Variants in ITIH4 observed in about 807,000 individuals in gnomAD.
ITIH4 encodes inter-alpha-trypsin inhibitor heavy chain 4.
In ITIH4, 79 loss-of-function variants were observed where a neutral mutation model predicts 111.8. The ratio of observed to expected loss-of-function variants is 0.71; its 90% CI spans 0.59 to 0.85. The LOEUF (loss-of-function observed/expected upper bound fraction) is 0.85, where lower values mean the gene tolerates loss of function less well. Ranked by LOEUF, ITIH4 falls within the 40% of genes least tolerant of loss-of-function variation. ITIH4 has a pLI of 0.00. For synonymous variants in ITIH4, 472 were observed against 468.3 expected, an observed-to-expected ratio of 1.01 and a Z score of -0.10; for missense variants, 1,065 against 1,195.8, an observed-to-expected ratio of 0.89 and a Z score of 1.61.
At position 52,824,055 on chromosome 3, in the gene ITIH4, G is replaced by A; in HGVS notation, c.1172-51C>T. Reference sequence around the variant, plus strand: ...GTGAGAAAATAGTGATTTGCTTGAAGAATATTTCTGGAACCTCAGAGCCGA... The same window carrying A: ...GTGAGAAAATAGTGATTTGCTTGAAAAATATTTCTGGAACCTCAGAGCCGA... On this transcript the variant is annotated intron_variant, in intron 9 of 23. Transcript: ENST00000266041. This position sits in a 1 kb window ranked among gnomAD's most constrained non-coding sequence, Gnocchi z 4.3. The A allele has an allele frequency of 6.5e-7, 1 of 1,544,666 alleles. No homozygotes were observed. The highest frequency in any genetic ancestry group is 8.7e-7 in the Non-Finnish European group (1 of 1,144,416).
chr3:52,829,324 C>A, intron 1 of ITIH4, 45 bp from the exon 2 acceptor site: 1 of 1,566,836 alleles, frequency 6.4e-7, no homozygotes, highest in Non-Finnish European at 8.7e-7. Context: ...TCAATGCCAC[C>A]TCAGCTCGGG....
chr3:52,821,805 C>T (rs1477640021), intron 11 of ITIH4, among the ~76,000 whole-genome samples: 1 of 152,156 alleles, frequency 6.6e-6, no homozygotes, highest in African/African-American at 2.4e-5. Context: ...AATCCCAGGC[C>T]TCTCCCACCA....
Position 52,819,935 on chromosome 3 carries a change from G to A in ITIH4, c.1912+5C>T. 3 of 1,613,470 alleles carry A rather than the reference G, an allele frequency of 1.9e-6. No individual in the cohort carries two copies. Among genetic ancestry groups the A allele is most frequent in the Non-Finnish European group, 2.5e-6 (3 of 1,179,468 alleles). ...CTCCCCTCCCCCCACCTCCTACTTT[G>A]TCACCTGGTTTTGGTATTTTTGCTC... is the stretch of plus-strand genomic sequence containing the variant. On this transcript the variant is annotated splice_donor_5th_base_variant and intron_variant, in intron 15 of 23. Coordinates refer to ENST00000266041, the MANE Select transcript of ITIH4 (RefSeq NM_002218.5).
In ITIH4 at chr3:52,826,827, C is replaced by G. The variant is rs754137487; in HGVS notation, c.483G>C (p.Leu161=). The G allele has an allele frequency of 5.6e-6, 9 of 1,613,848 alleles. No homozygotes were observed. In the South Asian group the frequency reaches 9.9e-5, roughly 18 times the overall value. Residue 161 remains leucine, a synonymous_variant, in exon 4 of 24, where the codon CTG becomes CTC. Coordinates refer to ENST00000266041, the MANE Select transcript of ITIH4 (RefSeq NM_002218.5). ...KRRLGVYELL[L]KVRPQQLVKH... is the part of the protein sequence containing the mutation. ...TGACCAGCTGCTGGGGCCGCACTTT[C>G]AGCAGCAGCTCGTACACCCCCAAAC...
At chr3:52,813,553 A>G (rs1700226605) in intron 23 of ITIH4, 63 bp from the exon 24 acceptor site, 1 of 1,434,450 alleles carries the variant, frequency 7.0e-7, no homozygotes, top group African/African-American at 1.4e-5. Flanking sequence ...GTGCGAAAAG[A>G]GGGAGACAGC....
Position 52,818,287 on chromosome 3 carries a change from A to G in ITIH4, c.2153-4T>C, listed in dbSNP as rs756927773. On this transcript the variant is annotated splice_polypyrimidine_tract_variant and splice_region_variant and intron_variant, in intron 18 of 23. Transcript: ENST00000266041. The stretch of plus-strand genomic sequence containing the variant: ...GTTTGGGTTGTCATGGTTGTTTCTA[A>G]AAGAAGAAAAAGTCTGGGTTTAGGC... The G allele has an allele frequency of 5.0e-5, 78 of 1,575,694 alleles. No homozygotes were observed. Among genetic ancestry groups the G allele is most frequent in the Non-Finnish European group, 6.0e-5 (70 of 1,162,550 alleles).
At position 52,824,355 on chromosome 3, in the gene ITIH4, G is replaced by A. The variant is rs370831802; in HGVS notation, c.1046-40C>T. On this transcript the variant is annotated intron_variant, in intron 8 of 23. Coordinates refer to ENST00000266041, the MANE Select transcript of ITIH4 (RefSeq NM_002218.5). The surrounding 1 kb of genome is among the most constrained non-coding windows in gnomAD (Gnocchi z 4.3). ...CTCTCAAGGTGGTCCCCAGCCAGGA[G>A]CCCTGGAAGCCCCCACCCTGCAGGG... The A allele has an allele frequency of 2.5e-5, 40 of 1,611,830 alleles. No homozygotes were observed. Among genetic ancestry groups the A allele is most frequent in the Non-Finnish European group, 3.1e-5 (37 of 1,178,346 alleles).
At chr3:52,813,864 T>C (rs1474629454) in intron 23 of ITIH4, 111 bp downstream of exon 23, 1 of 822,900 alleles carries the variant, frequency 1.2e-6, no homozygotes, top group East Asian at 2.7e-5. Flanking sequence ...CACCGGACTG[T>C]GTCTAGTTCC....
chr3:52,818,374 C>T, intron 18 of ITIH4, 88 bp downstream of exon 18: 1 of 1,573,024 alleles, frequency 6.4e-7, no homozygotes, highest in Non-Finnish European at 8.7e-7. Context: ...GGCTGGGTTC[C>T]CTCACTACTT....
Position 52,813,878 on chromosome 3 carries a change from G to A in ITIH4, c.2723+97C>T, listed in dbSNP as rs1700230719. ...CCACCGGACTGTGTCTAGTTCCTGG[G>A]CAAGGACAGGAGTGGGGCCCTGGAG... On this transcript the variant is annotated intron_variant, in intron 23 of 23. Coordinates refer to ENST00000266041, the MANE Select transcript of ITIH4 (RefSeq NM_002218.5). 4.3e-6 allele frequency: 4 copies of A among 933,250 alleles called. No individual in the cohort carries two copies. In the South Asian group the frequency reaches 5.7e-5, roughly 13 times the overall value. The allele number at this position is 933,250 out of a possible 1,614,324, so 57.8% of individuals were successfully genotyped here.
chr3:52,828,359 G>T (rs1700517270), intron 2 of ITIH4, among the ~76,000 whole-genome samples: 2 of 152,196 alleles, frequency 1.3e-5, no homozygotes, highest in African/African-American at 4.8e-5. Flanking sequence ...GCGGTGGAGT[G>T]GGGGATGCTT....
rs780995673 is a variant in ITIH4, at chr3:52,816,887, G to T, written c.2468C>A (p.Pro823His). Residue 823 changes from proline to histidine, a missense_variant, in exon 21 of 24, where the codon CCC becomes CAC. Physicochemically the swap from Pro to His is moderately conservative, Grantham distance 77. Coordinates refer to ENST00000266041, the MANE Select transcript of ITIH4 (RefSeq NM_002218.5). ...CGGGCTCCAGCCTGGGCCTTACCCGGGCATCACTGAGAATAGCGTCTCCTT... is the reference window on the plus strand; with the variant it reads ...CGGGCTCCAGCCTGGGCCTTACCCGTGCATCACTGAGAATAGCGTCTCCTT... ...KWKETLFSVM[P>H]GLKMTMDKTG... 5 of 1,613,244 alleles carry T rather than the reference G, an allele frequency of 3.1e-6. No homozygotes were observed. Among genetic ancestry groups the T allele is most frequent in the East Asian group, 4.5e-5 (2 of 44,878 alleles).
chr3:52,818,909 G>C (rs1404399836), intron 17 of ITIH4: 1 of 313,074 alleles, frequency 3.2e-6, no homozygotes. Flanking sequence ...GGGGAGGCCT[G>C]ATGTCCATAC....
At position 52,826,858 on chromosome 3, in the gene ITIH4, T is replaced by C. The variant is rs1395236778; in HGVS notation, c.452A>G (p.Lys151Arg). 1.2e-6 allele frequency: 2 copies of C among 1,613,978 alleles called. No homozygotes were observed. The highest frequency in any genetic ancestry group is 1.7e-6 in the Non-Finnish European group (2 of 1,180,028). The part of the protein sequence containing the change: ...TFELVYEELL[K>R]RRLGVYELLL... ...CAGCTCGTACACCCCCAAACGCCGC[T>C]TGAGCAGCTCCTCATAGACCAGCTC... is the stretch of plus-strand genomic sequence containing the variant. Residue 151 changes from lysine (K) to arginine (R), a missense_variant, in exon 4 of 24, where the codon AAG becomes AGG. Physicochemically the swap from Lys to Arg is conservative, Grantham distance 26. Transcript: ENST00000266041.
intron 2 of ITIH4, among the ~76,000 whole-genome samples, chr3:52,828,340 G>A (rs1454362857): frequency 6.6e-6 from 1 of 152,248 alleles, no homozygotes; most frequent in East Asian, 1.9e-4. Context: ...GTTAGGAAAA[G>A]TAGAGGCTGC....
intron 11 of ITIH4, among the ~76,000 whole-genome samples, chr3:52,822,781 C>T (rs1333667890): frequency 2.6e-5 from 4 of 152,194 alleles, no homozygotes; most frequent in Non-Finnish European, 5.9e-5. Flanking sequence ...TCTTCACACA[C>T]GCTGCCCTCA....
Position 52,826,657 on chromosome 3 carries a change from G to A in ITIH4, c.520-6C>T. ...TCGAAGATGTGAATGTCCATCTGGA[G>A]GCAAGATGTGGGTCCCTGGGTCAGC... On this transcript the variant is annotated splice_polypyrimidine_tract_variant and splice_region_variant and intron_variant, in intron 4 of 23. Transcript: ENST00000266041. The A allele has an allele frequency of 1.2e-6, 2 of 1,613,184 alleles. No homozygotes were observed. Among genetic ancestry groups the A allele is most frequent in the South Asian group, 2.2e-5 (2 of 91,074 alleles).
rs368304418 is a variant in ITIH4, at chr3:52,824,257, C to T, written c.1104G>A (p.Gln368=). Residue 368 remains glutamine, a synonymous_variant, in exon 9 of 24, where the codon CAG becomes CAA. Transcript: ENST00000266041. The surrounding 1 kb of genome is among the most constrained non-coding windows in gnomAD (Gnocchi z 4.3). The part of the protein sequence containing the change: ...MAVQLLDSSN[Q]EERLPEGSVS... ...CACTCCCTTCGGGCAGCCGCTCCTCCTGGTTGCTGCTGTCCAGCAACTGCA... is the reference window on the plus strand; with the variant it reads ...CACTCCCTTCGGGCAGCCGCTCCTCTTGGTTGCTGCTGTCCAGCAACTGCA... 3 of 1,613,516 alleles carry T rather than the reference C, an allele frequency of 1.9e-6. No homozygotes were observed. In the African/African-American group the frequency reaches 4.0e-5, roughly 22 times the overall value.
chr3:52,827,284 C>A, intron 2 of ITIH4, 87 bp from the exon 3 acceptor site: 1 of 1,041,252 alleles, frequency 9.6e-7, no homozygotes, highest in Non-Finnish European at 1.5e-6. Flanking sequence ...TTTCTGGACT[C>A]GGTGTGCCTC....
Sources: gnomAD v4.1 joint callset for allele counts (sites outside exome capture counted in the v4.1 genomes callset) on GRCh38, gnomAD v4.1.1 for gene constraint, Gnocchi (gnomAD v3.1) non-coding constraint, MANE v1.5 for transcripts, NCBI Gene and HGNC (gene_info 2026-07-23, HGNC 2026-07-21) for gene names.